TMEM245: variants seen among roughly 807,000 people sequenced by gnomAD.
TMEM245 encodes transmembrane protein 245.
Under a neutral mutation model 101.2 loss-of-function variants are expected in TMEM245, and 69 were observed. The ratio of observed to expected loss-of-function variants is 0.68; its 90% CI spans 0.56 to 0.83. The LOEUF (loss-of-function observed/expected upper bound fraction) is 0.83, where lower values mean the gene tolerates loss of function less well. TMEM245 is among the 40% of genes least tolerant of loss of function. The pLI is 0.00. For missense variants in TMEM245, 1,075 were observed against 1,092.8 expected, an observed-to-expected ratio of 0.98 and a Z score of 0.23; for synonymous variants, 537 against 449.8, an observed-to-expected ratio of 1.19 and a Z score of -2.45.
intron 3 of TMEM245, among the ~76,000 whole-genome samples, chr9:109,104,156 T>G (rs1004189627): frequency 2.0e-5 from 3 of 152,086 alleles, no homozygotes; most frequent in Non-Finnish European, 4.4e-5. Flanking sequence ...CTATAGTCAA[T>G]AATTTAACTG....
intron 14 of TMEM245, among the ~76,000 whole-genome samples, chr9:109,046,598 C>A (rs1019355949): frequency 6.6e-6 from 1 of 152,120 alleles, no homozygotes; most frequent in Non-Finnish European, 1.5e-5. Context: ...ATGCAATTAA[C>A]CCCCAATTTC....
At chr9:109,060,281 T>A in intron 11 of TMEM245, 73 bp downstream of exon 11, 4 of 1,085,244 alleles carry the variant, frequency 3.7e-6, no homozygotes, top group Non-Finnish European at 5.4e-6. Context: ...GTGAATATAA[T>A]CCTATCTAGT....
chr9:109,073,366 CAG>C lies in TMEM245; in HGVS notation c.1520_1521del (p.Pro507ArgfsTer8), dbSNP rs1829391025. 6.2e-7 allele frequency: 1 copy of C among 1,612,438 alleles called. No individual in the cohort carries two copies. Among genetic ancestry groups the C allele is most frequent in the Admixed American group, 1.7e-5 (1 of 59,990 alleles). ...AAACAATATTCTTACTTTGCCCACT[CAG>C]GGTGATTTGCTAGAGTTTCATTAAT... ...NLINETLANH[P>X]EWANWLPEAQ... On this transcript the variant is annotated frameshift_variant, in exon 9 of 18. Coordinates refer to ENST00000374586, the MANE Select transcript of TMEM245 (RefSeq NM_032012.4). LOFTEE classifies it high-confidence loss of function.
At chr9:109,059,159 G>A (rs1485921189) in intron 11 of TMEM245, among the ~76,000 whole-genome samples, 2 of 152,116 alleles carry the variant, frequency 1.3e-5, no homozygotes, top group Non-Finnish European at 2.9e-5. Flanking sequence ...TAATTATCTG[G>A]TTTTTCAGCA....
intron 7 of TMEM245, among the ~76,000 whole-genome samples, chr9:109,083,922 A>AAAAAAAAAAAAAAAAAG (rs1564197327): frequency 7.0e-6 from 1 of 142,548 alleles, no homozygotes; most frequent in African/African-American, 2.7e-5. Flanking sequence ...AAAAAAAAAA[A>AAAAAAAAAAAAAAAAAG]AAAAAAACAC....
At chr9:109,099,907 C>T (rs1830240495) in intron 3 of TMEM245, among the ~76,000 whole-genome samples, 1 of 152,114 alleles carries the variant, frequency 6.6e-6, no homozygotes, top group East Asian at 1.9e-4. Flanking sequence ...TGAGTTCAGC[C>T]CCAGCCATCT....
At position 109,109,421 on chromosome 9, in the gene TMEM245, T is replaced by C. The variant is rs117392793; in HGVS notation, c.580-851A>G. On this transcript the variant is annotated intron_variant, in intron 1 of 17. Transcript: ENST00000374586. ...AGACCAAGAAGCTAAAAGTCAAGTA[T>C]GACATGAACCTTGCCAAAAAAAAAA... Among the ~76,000 whole-genome samples the C allele has an allele frequency of 3.0e-3, 434 of 146,578 alleles. 2 individuals are homozygous for C. Among genetic ancestry groups the C allele is most frequent in the Non-Finnish European group, 4.9e-3 (331 of 66,972 alleles).
At chr9:109,032,118 C>T (rs1331496144) in intron 17 of TMEM245, among the ~76,000 whole-genome samples, 1 of 152,154 alleles carries the variant, frequency 6.6e-6, no homozygotes, top group African/African-American at 2.4e-5. Context: ...GACATCATGA[C>T]ACGTCATCTT....
chr9:109,035,772 G>A (rs570101357), intron 16 of TMEM245, among the ~76,000 whole-genome samples: 14 of 151,718 alleles, frequency 9.2e-5, no homozygotes, highest in Non-Finnish European at 1.5e-4. Flanking sequence ...TATTACATAT[G>A]TAATAAGAAA....
At chr9:109,103,410 C>T (rs1350671512) in intron 3 of TMEM245, among the ~76,000 whole-genome samples, 1 of 152,120 alleles carries the variant, frequency 6.6e-6, no homozygotes, top group Non-Finnish European at 1.5e-5. Context: ...ACAAAGAAAA[C>T]TACAAAACAC....
At chr9:109,085,962 C>T (rs757394254) in intron 7 of TMEM245, 35 bp downstream of exon 7, 37 of 1,610,662 alleles carry the variant, frequency 2.3e-5, no homozygotes, top group Non-Finnish European at 3.0e-5. Context: ...TTACGGAATT[C>T]AATAGTAAAA....
At chr9:109,097,728 G>C (rs559663150) in intron 3 of TMEM245, among the ~76,000 whole-genome samples, 1 of 152,116 alleles carries the variant, frequency 6.6e-6, no homozygotes, top group African/African-American at 2.4e-5. Flanking sequence ...AGACCTGCCT[G>C]GCCAACATGG....
chr9:109,078,725 GT>G (rs1239295289), intron 8 of TMEM245, among the ~76,000 whole-genome samples: 1 of 152,128 alleles, frequency 6.6e-6, no homozygotes, highest in African/African-American at 2.4e-5. Context: ...GCATGGTTTT[GT>G]GTTTGTGTAT....
In TMEM245 at chr9:109,094,070, A is replaced by C. The variant is rs142468354; in HGVS notation, c.800-479T>G. On this transcript the variant is annotated intron_variant, in intron 3 of 17. Coordinates refer to ENST00000374586, the MANE Select transcript of TMEM245 (RefSeq NM_032012.4). ...ATATGGCTATTATGCAAAACCATAT[A>C]GATTTATAAATTACATAACTCAGTA... is the stretch of plus-strand genomic sequence containing the variant. Among the ~76,000 whole-genome samples the C allele has an allele frequency of 2.1e-3, 320 of 152,362 alleles. 3 individuals carry two copies. Among genetic ancestry groups the C allele is most frequent in the African/African-American group, 7.1e-3 (296 of 41,592 alleles).
In TMEM245 at chr9:109,017,393, T is replaced by C. The variant is rs1461677566; in HGVS notation, c.*3067A>G. The C allele has an allele frequency of 1.3e-5, 2 of 152,188 alleles. No homozygotes were observed. The highest frequency in any genetic ancestry group is 4.8e-5 in the African/African-American group (2 of 41,448). The allele number at this position is 152,188 out of a possible 1,614,324, so 9.4% of individuals were successfully genotyped here. ...ATTTTAACAATAACTAAGACCAGCATGTAAGGTGGTCTTACAGAGATCACT... is the reference window on the plus strand; with the variant it reads ...ATTTTAACAATAACTAAGACCAGCACGTAAGGTGGTCTTACAGAGATCACT... On this transcript the variant is annotated 3_prime_UTR_variant, in exon 18 of 18. Coordinates refer to ENST00000374586, the MANE Select transcript of TMEM245 (RefSeq NM_032012.4).
At chr9:109,105,299 T>C (rs985023728) in intron 3 of TMEM245, among the ~76,000 whole-genome samples, 4 of 152,190 alleles carry the variant, frequency 2.6e-5, no homozygotes, top group South Asian at 2.1e-4. Flanking sequence ...AAAACCATAA[T>C]GAGATACCAC....
intron 1 of TMEM245, among the ~76,000 whole-genome samples, chr9:109,111,207 G>A (rs1465734674): frequency 6.6e-6 from 1 of 152,144 alleles, no homozygotes; most frequent in East Asian, 1.9e-4. Flanking sequence ...AGAAATACGT[G>A]GGAATTAGGA....
intron 5 of TMEM245, among the ~76,000 whole-genome samples, chr9:109,088,551 C>T (rs888634550): frequency 6.6e-6 from 1 of 151,952 alleles, no homozygotes; most frequent in Admixed American, 6.6e-5. Flanking sequence ...GGAACAGGGC[C>T]GGGCACAGTG....
At chr9:109,072,867 A>T (rs1005841346) in intron 9 of TMEM245, among the ~76,000 whole-genome samples, 1 of 152,236 alleles carries the variant, frequency 6.6e-6, no homozygotes, top group African/African-American at 2.4e-5. Context: ...ACATAAATTT[A>T]AAAATTATAT....
Sources: gnomAD v4.1 joint callset for allele counts (sites outside exome capture counted in the v4.1 genomes callset) on GRCh38, gnomAD v4.1.1 for gene constraint, MANE v1.5 for transcripts, NCBI Gene and HGNC (gene_info 2026-07-23, HGNC 2026-07-21) for gene names.